The following IQGAP2 variants were observed in gnomAD, a reference collection of about 807,000 sequenced individuals.
IQGAP2 encodes the protein ras GTPase-activating-like protein IQGAP2.
In IQGAP2, 173 loss-of-function variants were observed where a neutral mutation model predicts 201.3. That is an observed-to-expected ratio of 0.86 (90% CI 0.76 to 0.98). The LOEUF (loss-of-function observed/expected upper bound fraction) is 0.98. Among genes scored for constraint, IQGAP2 ranks in the 50% least tolerant of loss-of-function variants. IQGAP2 has a pLI of 0.00. For missense variants in IQGAP2, 1,687 were observed against 1,864.8 expected (o/e 0.90, Z 1.76); for synonymous variants, 675 against 673.9 (o/e 1.00, Z -0.03).
At position 76,570,621 on chromosome 5, in the gene IQGAP2, G is replaced by C; in HGVS notation, c.345G>C (p.Gln115His). 1 of 1,613,900 alleles carries C rather than the reference G, an allele frequency of 6.2e-7. No homozygotes were observed. Among genetic ancestry groups the C allele is most frequent in the Non-Finnish European group, 8.5e-7 (1 of 1,179,770 alleles). The part of the protein sequence containing the change: ...LHFRHTDNTV[Q>H]WLRAMESIGL... Reference sequence around the variant, plus strand: ...TTCGACACACAGATAATACCGTCCAGTGGTTAAGAGCGATGGAGTCTATTG... The same window carrying C: ...TTCGACACACAGATAATACCGTCCACTGGTTAAGAGCGATGGAGTCTATTG... Residue 115 changes from glutamine to histidine, a missense_variant, in exon 4 of 36, where the codon CAG becomes CAC. Gln to His is a conservative substitution (Grantham distance 24). Transcript: ENST00000274364.
intron 11 of IQGAP2, among the ~76,000 whole-genome samples, chr5:76,605,043 A>G (rs748733743): frequency 6.6e-6 from 1 of 152,210 alleles, no homozygotes; most frequent in African/African-American, 2.4e-5. Flanking sequence ...TTATGTACAC[A>G]GAAGATTGTT....
chr5:76,677,756 C>T (rs1445802294), intron 28 of IQGAP2, among the ~76,000 whole-genome samples: 2 of 151,970 alleles, frequency 1.3e-5, no homozygotes, highest in East Asian at 3.9e-4. Flanking sequence ...AGTGAGACCC[C>T]TATCTCTACT....
chr5:76,667,167 G>C (rs73764706), intron 22 of IQGAP2, among the ~76,000 whole-genome samples: 1 of 151,850 alleles, frequency 6.6e-6, no homozygotes, highest in East Asian at 1.9e-4. Context: ...TGGTGAGTAG[G>C]CATCTTTCTT....
At chr5:76,659,250 T>C (rs1461296016) in intron 21 of IQGAP2, among the ~76,000 whole-genome samples, 1 of 152,224 alleles carries the variant, frequency 6.6e-6, no homozygotes, top group Non-Finnish European at 1.5e-5. Flanking sequence ...TACTGATGTA[T>C]ATACCTTCAG....
chr5:76,663,811 G>T (rs899898267), intron 21 of IQGAP2, among the ~76,000 whole-genome samples: 1 of 152,212 alleles, frequency 6.6e-6, no homozygotes, highest in African/African-American at 2.4e-5. Context: ...GAGATCACAG[G>T]CATGAGCCAC....
intron 13 of IQGAP2, chr5:76,617,847 C>T (rs758949006): frequency 1.5e-5 from 25 of 1,613,684 alleles, no homozygotes; most frequent in Admixed American, 6.7e-5. Flanking sequence ...ATTAAGTGTC[C>T]GGATGATGGC....
At chr5:76,658,360 G>A (rs1742940874) in intron 20 of IQGAP2, 99 bp from the exon 21 acceptor site, 1 of 976,984 alleles carries the variant, frequency 1.0e-6, no homozygotes, top group Non-Finnish European at 1.6e-6. Flanking sequence ...TACTTTCATT[G>A]GTATATTTTT....
Position 76,611,163 on chromosome 5 carries a change from G to C in IQGAP2, c.1501G>C (p.Ala501Pro). 6.2e-7 allele frequency: 1 copy of C among 1,609,420 alleles called. No homozygotes were observed. The highest frequency in any genetic ancestry group is 8.5e-7 in the Non-Finnish European group (1 of 1,178,790). ...GCACTACCAGGATGTTTTATACCAT[G>C]CTAAATCACAGAAACTCGGAGTAAG... ...AQHYQDVLYH[A>P]KSQKLGDSES... The change falls in exon 13 of 36, where the codon GCT becomes CCT. Residue 501 changes from alanine to proline, a missense_variant. Physicochemically the swap from Ala to Pro is conservative, Grantham distance 27. Transcript: ENST00000274364.
chr5:76,498,087 T>C (rs893510402), intron 2 of IQGAP2, among the ~76,000 whole-genome samples: 2 of 152,144 alleles, frequency 1.3e-5, no homozygotes, highest in Non-Finnish European at 2.9e-5. Context: ...AAACAAACAT[T>C]CTAACTGTCT....
At chr5:76,665,845 A>G (rs1181976092) in intron 22 of IQGAP2, among the ~76,000 whole-genome samples, 4 of 152,236 alleles carry the variant, frequency 2.6e-5, no homozygotes, top group Non-Finnish European at 5.9e-5. Flanking sequence ...CTACTAGCAC[A>G]TACAGCTAGT....
chr5:76,521,622 A>G (rs565393663), intron 2 of IQGAP2, among the ~76,000 whole-genome samples: 2 of 152,364 alleles, frequency 1.3e-5, no homozygotes, highest in African/African-American at 4.8e-5. Context: ...GAGCCCCTGT[A>G]GAGAAAGCTC....
chr5:76,647,392 C>A (rs187698919), intron 17 of IQGAP2, among the ~76,000 whole-genome samples: 238 of 152,124 alleles, frequency 1.6e-3, no homozygotes, highest in African/African-American at 5.4e-3. Flanking sequence ...GGCTCTGTGT[C>A]CCCACCCGAA....
chr5:76,664,843 A>T lies in IQGAP2; in HGVS notation c.2530-183A>T, dbSNP rs28482874. On this transcript the variant is annotated intron_variant, in intron 21 of 35. Transcript: ENST00000274364. Reference sequence around the variant, plus strand: ...TGACAATAGGCATGTTCAATGTAGGATTGCACAAACCTTCAATTTGCAAAG... The same window carrying T: ...TGACAATAGGCATGTTCAATGTAGGTTTGCACAAACCTTCAATTTGCAAAG... Among the ~76,000 whole-genome samples the T allele has an allele frequency of 2.5e-3, 380 of 150,958 alleles. 1 individual carries two copies. The highest frequency in any genetic ancestry group is 4.6e-3 in the Non-Finnish European group (309 of 67,766).
intron 13 of IQGAP2, among the ~76,000 whole-genome samples, chr5:76,612,241 G>A (rs1387610665): frequency 2.6e-5 from 4 of 152,118 alleles, no homozygotes; most frequent in African/African-American, 7.2e-5. Context: ...CCAGCATTTC[G>A]GGAGGCCAAG....
intron 2 of IQGAP2, among the ~76,000 whole-genome samples, chr5:76,471,377 A>AC (rs141556230): frequency 2.6e-4 from 14 of 54,124 alleles, no homozygotes; most frequent in Non-Finnish European, 4.3e-4. Flanking sequence ...AAAAAAAAAA[A>AC]AAAAAAAAAC....
chr5:76,433,680 A>G (rs1422747714), intron 1 of IQGAP2, among the ~76,000 whole-genome samples: 2 of 152,200 alleles, frequency 1.3e-5, no homozygotes, highest in East Asian at 3.8e-4. Flanking sequence ...TGTTTTGAGT[A>G]CAATTTTTTT....
At chr5:76,667,360 G>A (rs1423251822) in intron 22 of IQGAP2, among the ~76,000 whole-genome samples, 1 of 152,142 alleles carries the variant, frequency 6.6e-6, no homozygotes, top group Non-Finnish European at 1.5e-5. Context: ...CTTAAAAGCT[G>A]CCCAAACTGC....
chr5:76,575,866 T>G, intron 5 of IQGAP2, 97 bp downstream of exon 5: 1 of 588,588 alleles, frequency 1.7e-6, no homozygotes, highest in Non-Finnish European at 2.8e-6. Context: ...CTTTAATAGT[T>G]TGAAGAACTT....
intron 1 of IQGAP2, among the ~76,000 whole-genome samples, chr5:76,419,590 G>A (rs1254086512): frequency 1.3e-5 from 2 of 151,854 alleles, no homozygotes; most frequent in Non-Finnish European, 2.9e-5. Context: ...CCCCCACCTC[G>A]GCCTCCTAAA....
Sources: allele counts gnomAD v4.1 joint callset (sites outside exome capture counted in the v4.1 genomes callset), GRCh38; gene constraint gnomAD v4.1.1; transcripts MANE v1.5; gene names NCBI Gene and HGNC (gene_info 2026-07-23, HGNC 2026-07-21).